Variants in BMPR1B observed in about 807,000 individuals in gnomAD.
BMPR1B encodes the protein bone morphogenetic protein receptor type-1B.
A neutral mutation model predicts 59.1 loss-of-function variants in BMPR1B; 12 were observed. The observed-to-expected ratio is 0.20, with a 90% CI of 0.13 to 0.33. The LOEUF is 0.33. Among genes scored for constraint, BMPR1B ranks in the 10% least tolerant of loss-of-function variants. The pLI is 1.00. For missense variants in BMPR1B, 550 were observed against 610.9 expected, an observed-to-expected ratio of 0.90 and a Z score of 1.05; for synonymous variants, 237 against 207.3, an observed-to-expected ratio of 1.14 and a Z score of -1.23.
chr4:95,071,426 C>T (rs1032061521), intron 3 of BMPR1B, among the ~76,000 whole-genome samples: 1 of 151,706 alleles, frequency 6.6e-6, no homozygotes, highest in Non-Finnish European at 1.5e-5. Flanking sequence ...GGTGAATATA[C>T]CTTAGCTGTG....
intron 2 of BMPR1B, among the ~76,000 whole-genome samples, chr4:94,985,876 A>G (rs1183448575): frequency 6.6e-6 from 1 of 152,184 alleles, no homozygotes; most frequent in Non-Finnish European, 1.5e-5. Flanking sequence ...ATAAAAATAT[A>G]AAGTGCCACA....
rs911915127 is a variant in BMPR1B, at chr4:94,905,208, A to G, written c.-113+29308A>G. Among the ~76,000 whole-genome samples the G allele has an allele frequency of 3.9e-5, 6 of 152,176 alleles. No homozygotes were observed. The East Asian group carries it at 1.2e-3, about 29-fold the overall frequency. ...TGGCCTAATAGCATGAATTAATTTA[A>G]ATGAATTTTCTTGCTTTTATTCAAA... On this transcript the variant is annotated intron_variant, in intron 2 of 12. Coordinates refer to ENST00000515059, the MANE Select transcript of BMPR1B (RefSeq NM_001203.3).
At chr4:95,070,985 A>G (rs918728412) in intron 3 of BMPR1B, among the ~76,000 whole-genome samples, 1 of 152,070 alleles carries the variant, frequency 6.6e-6, no homozygotes, top group African/African-American at 2.4e-5. Flanking sequence ...TCCTTTAGTC[A>G]CCAGAAATGA....
intron 10 of BMPR1B, among the ~76,000 whole-genome samples, chr4:95,146,733 A>T (rs1389543629): frequency 6.6e-6 from 1 of 152,178 alleles, no homozygotes; most frequent in East Asian, 1.9e-4. Flanking sequence ...TAAAAATTAA[A>T]ATTAGGACAT....
At chr4:95,007,119 G>T (rs1722900660) in intron 3 of BMPR1B, among the ~76,000 whole-genome samples, 1 of 151,920 alleles carries the variant, frequency 6.6e-6, no homozygotes, top group Admixed American at 6.6e-5. Flanking sequence ...AACTCTACCA[G>T]GGTTTCTTTA....
At chr4:94,802,341 G>A (rs111560600) in intron 1 of BMPR1B, among the ~76,000 whole-genome samples, 3 of 152,072 alleles carry the variant, frequency 2.0e-5, no homozygotes, top group African/African-American at 7.2e-5. Context: ...CACATCCACC[G>A]GGAGCTAAGC....
At position 94,916,213 on chromosome 4, in the gene BMPR1B, C is replaced by T. The variant is rs868368736; in HGVS notation, c.-113+40313C>T. Among the ~76,000 whole-genome samples, 13 of 152,194 alleles carry T rather than the reference C, an allele frequency of 8.5e-5. No homozygotes were observed. The South Asian group carries it at 1.0e-3, about 12-fold the overall frequency. On this transcript the variant is annotated intron_variant, in intron 2 of 12. Transcript: ENST00000515059. Reference sequence around the variant, plus strand: ...GGAGTTAGGCATTACTAAAAGATAACTGAAAATGTGGAAGCAGCTTTGGAA... The same window carrying T: ...GGAGTTAGGCATTACTAAAAGATAATTGAAAATGTGGAAGCAGCTTTGGAA...
intron 3 of BMPR1B, among the ~76,000 whole-genome samples, chr4:95,092,081 A>AAT (rs1396865234): frequency 2.0e-5 from 3 of 152,048 alleles, no homozygotes; most frequent in Non-Finnish European, 4.4e-5. Flanking sequence ...ATAGGTTATA[A>AAT]AGGTCTAGGT....
chr4:95,067,666 C>T (rs1174141783), intron 3 of BMPR1B, among the ~76,000 whole-genome samples: 3 of 152,182 alleles, frequency 2.0e-5, no homozygotes, highest in Non-Finnish European at 4.4e-5. Context: ...AGATGAGACA[C>T]AAACTCTGAT....
chr4:94,887,115 G>C (rs997655627), intron 2 of BMPR1B, among the ~76,000 whole-genome samples: 1 of 151,562 alleles, frequency 6.6e-6, no homozygotes, highest in Non-Finnish European at 1.5e-5. Flanking sequence ...GTTAAATTAG[G>C]GTTCTGTAAA....
intron 2 of BMPR1B, among the ~76,000 whole-genome samples, chr4:94,935,008 T>C (rs557392370): frequency 9.0e-4 from 137 of 151,994 alleles, no homozygotes; most frequent in African/African-American, 3.3e-3. Context: ...CACTAAGTCA[T>C]AGAAAAAAAA....
chr4:95,102,589 T>G (rs138281226), intron 3 of BMPR1B, among the ~76,000 whole-genome samples: 1 of 152,240 alleles, frequency 6.6e-6, no homozygotes, highest in Non-Finnish European at 1.5e-5. Flanking sequence ...GAACCAGGTT[T>G]AGAAAGAAGG....
chr4:94,764,191 A>G lies in BMPR1B; in HGVS notation c.-183+6123A>G, dbSNP rs551967039. On this transcript the variant is annotated intron_variant, in intron 1 of 12. Transcript: ENST00000515059. ...GAACCACTCTCAGCCCTTCTACCTC[A>G]TGCTGTCTGCAGGGAAAATAACCTG... Among the ~76,000 whole-genome samples the G allele has an allele frequency of 1.4e-4, 21 of 152,242 alleles. No homozygotes were observed. In the South Asian group the frequency reaches 2.1e-3, roughly 15 times the overall value.
At chr4:95,152,038 T>C (rs1735083410) in intron 11 of BMPR1B, among the ~76,000 whole-genome samples, 1 of 152,202 alleles carries the variant, frequency 6.6e-6, no homozygotes, top group Admixed American at 6.5e-5. Flanking sequence ...CTAATAGTAA[T>C]GTATTCCTTA....
chr4:94,975,884 A>G lies in BMPR1B; in HGVS notation c.-112-20156A>G, dbSNP rs551332119. 2.0e-5 allele frequency among the ~76,000 whole-genome samples: 3 copies of G among 152,334 alleles called. No individual in the cohort carries two copies. In the South Asian group the frequency reaches 6.2e-4, roughly 32 times the overall value. ...CATATAATCAAAATGAGGTTTAGTA[A>G]TTGGTGCTTTTTGTTTCTATTAATT... On this transcript the variant is annotated intron_variant, in intron 2 of 12. Transcript: ENST00000515059.
At chr4:95,015,734 C>A (rs557269813) in intron 3 of BMPR1B, among the ~76,000 whole-genome samples, 2 of 151,334 alleles carry the variant, frequency 1.3e-5, no homozygotes, top group African/African-American at 4.9e-5. Context: ...CACTCTGTCA[C>A]CAGACTGGAG....
At chr4:95,074,709 A>G (rs1207213721) in intron 3 of BMPR1B, among the ~76,000 whole-genome samples, 2 of 152,042 alleles carry the variant, frequency 1.3e-5, no homozygotes, top group East Asian at 3.9e-4. Flanking sequence ...GCTAAAGTAA[A>G]CAAAGTACTG....
At chr4:95,055,707 A>G (rs1390120943) in intron 3 of BMPR1B, among the ~76,000 whole-genome samples, 1 of 152,204 alleles carries the variant, frequency 6.6e-6, no homozygotes, top group Non-Finnish European at 1.5e-5. Context: ...ATTTCACGTA[A>G]TTGCCAAGTA....
At chr4:95,067,474 A>G (rs12502687) in intron 3 of BMPR1B, among the ~76,000 whole-genome samples, 5,309 of 152,282 alleles carry the variant, frequency 0.035, 136 homozygotes, top group Middle Eastern at 0.071. Context: ...ACAGAAACCT[A>G]TGTTGAATCT....
Sources: allele counts gnomAD v4.1 joint callset (sites outside exome capture counted in the v4.1 genomes callset), GRCh38; gene constraint gnomAD v4.1.1; transcripts MANE v1.5; gene names NCBI Gene and HGNC (gene_info 2026-07-23, HGNC 2026-07-21).